The following STK32B variants were observed in gnomAD, a reference collection of about 807,000 sequenced individuals.
STK32B encodes serine/threonine-protein kinase 32B.
A neutral mutation model predicts 52.6 loss-of-function variants in STK32B; 43 were observed. The observed-to-expected ratio is 0.82, with a 90% CI of 0.64 to 1.05. STK32B has a LOEUF of 1.05. STK32B is among the 50% of genes least tolerant of loss of function. STK32B has a pLI of 0.00. For missense variants in STK32B, 621 were observed against 534.6 expected (o/e 1.16, Z -1.59); for synonymous variants, 238 against 204.3 (o/e 1.17, Z -1.41).
At chr4:5,096,995 G>A (rs1289095645) in intron 1 of STK32B, among the ~76,000 whole-genome samples, 1 of 152,184 alleles carries the variant, frequency 6.6e-6, no homozygotes, top group Non-Finnish European at 1.5e-5. Flanking sequence ...AGAGGAAATC[G>A]AAGCTGAGAA....
intron 5 of STK32B, among the ~76,000 whole-genome samples, chr4:5,413,686 T>C: frequency 6.6e-6 from 1 of 152,168 alleles, no homozygotes; most frequent in East Asian, 1.9e-4. Context: ...ATATTTGCAA[T>C]ACACATAGCA....
At chr4:5,136,166 G>A (rs1266311728) in intron 1 of STK32B, among the ~76,000 whole-genome samples, 1 of 152,208 alleles carries the variant, frequency 6.6e-6, no homozygotes, top group African/African-American at 2.4e-5. Flanking sequence ...TGATCCCTAA[G>A]GAGAGCTGGG....
At chr4:5,279,629 A>G (rs548905237) in intron 3 of STK32B, among the ~76,000 whole-genome samples, 1 of 152,278 alleles carries the variant, frequency 6.6e-6, no homozygotes, top group Non-Finnish European at 1.5e-5. Context: ...GGGACTCTGT[A>G]TTGGAGCTCC....
chr4:5,271,185 C>T (rs1302318806), intron 3 of STK32B, among the ~76,000 whole-genome samples: 1 of 152,186 alleles, frequency 6.6e-6, no homozygotes, highest in Non-Finnish European at 1.5e-5. Context: ...ATCCACCCGC[C>T]TTGACCTCCC....
chr4:5,452,697 C>A (rs1397377479), intron 7 of STK32B, among the ~76,000 whole-genome samples: 1 of 152,114 alleles, frequency 6.6e-6, no homozygotes, highest in Admixed American at 6.6e-5. Flanking sequence ...GTCTCCAAGG[C>A]CCAGCTCAAC....
intron 3 of STK32B, chr4:5,204,002 T>C (rs1288390138): frequency 6.6e-6 from 1 of 152,224 alleles, no homozygotes; most frequent in Non-Finnish European, 1.5e-5. Context: ...CATAATGCAT[T>C]CTCCAGAGCA....
intron 1 of STK32B, among the ~76,000 whole-genome samples, chr4:5,131,182 C>A (rs1313339196): frequency 6.6e-6 from 1 of 152,188 alleles, no homozygotes. Context: ...GAGAATGCCC[C>A]TTTCACTGCT....
intron 3 of STK32B, among the ~76,000 whole-genome samples, chr4:5,289,822 C>T (rs113235439): frequency 0.025 from 3,729 of 149,434 alleles, 154 homozygotes; most frequent in African/African-American, 0.086. Context: ...GGATTACAAG[C>T]GTGATGAGCC....
chr4:5,156,608 T>C (rs1033085099), intron 2 of STK32B, among the ~76,000 whole-genome samples: 2 of 152,200 alleles, frequency 1.3e-5, no homozygotes, highest in African/African-American at 4.8e-5. Flanking sequence ...AGGAGGAGGA[T>C]ACCTTTGGGA....
chr4:5,262,624 C>CAA (rs746798812), intron 3 of STK32B, among the ~76,000 whole-genome samples: 1,646 of 79,390 alleles, frequency 0.021, 18 homozygotes, highest in South Asian at 0.08. Flanking sequence ...GACTCCATCT[C>CAA]AAAAAAAAAA....
At position 5,316,666 on chromosome 4, in the gene STK32B, ATT is replaced by A. The variant is rs1730833560; in HGVS notation, c.261-14553_261-14552del. Among the ~76,000 whole-genome samples, 2 of 7,632 alleles carry A rather than the reference ATT, an allele frequency of 2.6e-4. 1 individual carries two copies. Among genetic ancestry groups the A allele is most frequent in the Non-Finnish European group, 3.2e-4 (2 of 6,170 alleles). 5.0% of individuals were successfully genotyped at this position (7,632 alleles called of 152,430 possible). On this transcript the variant is annotated intron_variant, in intron 3 of 11. Transcript: ENST00000282908. ...ATTATATATATAATATATAATATAT[ATT>A]ATATATATAATATAATATAATATAT...
intron 3 of STK32B, among the ~76,000 whole-genome samples, chr4:5,190,039 T>G (rs1313999797): frequency 6.6e-5 from 10 of 152,154 alleles, no homozygotes; most frequent in African/African-American, 2.4e-4. Context: ...AGAGCGTACA[T>G]GATCAGCTCA....
Position 5,051,888 on chromosome 4 carries a change from C to T in STK32B, c.25C>T (p.Pro9Ser), listed in dbSNP as rs142664782. The change falls in exon 1 of 12, where the codon CCC (proline) becomes TCC (serine). Residue 9 changes from proline (P) to serine (S), a missense_variant. Pro to Ser is a moderately conservative substitution (Grantham distance 74, BLOSUM62 -1). Transcript: ENST00000282908. ...TATGGGCGGGAACCACTCCCACAAG[C>T]CCCCCGTGTTTGACGAGAATGAGGA... The part of the protein sequence containing the change: MGGNHSHK[P>S]PVFDENEEVN... The T allele has an allele frequency of 1.2e-6, 2 of 1,600,152 alleles. No individual in the cohort carries two copies. The highest frequency in any genetic ancestry group is 1.1e-5 in the South Asian group (1 of 88,384).
intron 1 of STK32B, among the ~76,000 whole-genome samples, chr4:5,122,381 TTCACTCAC>T (rs57737223): frequency 6.6e-6 from 1 of 151,346 alleles, no homozygotes; most frequent in African/African-American, 2.4e-5. Flanking sequence ...CACTCATTCA[TTCACTCAC>T]TCATTCATTC....
In STK32B at chr4:5,153,255, T is replaced by C. The variant is rs573266862; in HGVS notation, c.108+13295T>C. 1.2e-3 allele frequency among the ~76,000 whole-genome samples: 182 copies of C among 152,292 alleles called. 3 individuals are homozygous for C. The highest frequency in any genetic ancestry group is 4.1e-3 in the African/African-American group (170 of 41,568). On this transcript the variant is annotated intron_variant, in intron 2 of 11. Coordinates refer to ENST00000282908, the MANE Select transcript of STK32B (RefSeq NM_018401.3). ...AGAGGAAAGGGTACAGGCTTCCAGA[T>C]TGGGGAGGTCTGGCTCTGGGTCAGA... is the stretch of plus-strand genomic sequence containing the variant.
chr4:5,392,107 T>C (rs1736626157), intron 4 of STK32B, among the ~76,000 whole-genome samples: 1 of 152,192 alleles, frequency 6.6e-6, no homozygotes, highest in African/African-American at 2.4e-5. Flanking sequence ...TAATAAATGA[T>C]AAGTTTCCTG....
intron 3 of STK32B, among the ~76,000 whole-genome samples, chr4:5,275,824 A>C (rs996866865): frequency 3.3e-5 from 5 of 152,016 alleles, no homozygotes; most frequent in African/African-American, 1.2e-4. Context: ...GGGGTGAGGA[A>C]GAAGGAGAAG....
rs150377824 is a variant in STK32B, at chr4:5,275,016, C to T, written c.261-56204C>T. ...TTCCACGGTGCTCTTCCGTGACCCACGACTTCTAACAGAGCTATAACACTC... is the reference window on the plus strand; with the variant it reads ...TTCCACGGTGCTCTTCCGTGACCCATGACTTCTAACAGAGCTATAACACTC... On this transcript the variant is annotated intron_variant, in intron 3 of 11. Coordinates refer to ENST00000282908, the MANE Select transcript of STK32B (RefSeq NM_018401.3). Among the ~76,000 whole-genome samples, 308 of 152,286 alleles carry T rather than the reference C, an allele frequency of 2.0e-3. 3 individuals are homozygous for T. The highest frequency in any genetic ancestry group is 7.1e-3 in the African/African-American group (296 of 41,550).
the STK32B span, among the ~76,000 whole-genome samples, chr4:5,039,454 C>A: frequency 6.6e-6 from 1 of 152,214 alleles, no homozygotes. Context: ...GCTCACTGGA[C>A]AGTCTTAGGG....
Sources: allele counts gnomAD v4.1 joint callset (sites outside exome capture counted in the v4.1 genomes callset), GRCh38; gene constraint gnomAD v4.1.1; transcripts MANE v1.5; gene names NCBI Gene and HGNC (gene_info 2026-07-23, HGNC 2026-07-21).